The following AKAP19 variants were observed in gnomAD, a reference collection of about 807,000 sequenced individuals.
AKAP19 encodes small A-kinase anchoring protein.
the AKAP19 span, among the ~76,000 whole-genome samples, chr2:190,164,378 T>C: frequency 6.6e-6 from 1 of 151,916 alleles, no homozygotes; most frequent in Admixed American, 6.6e-5. Context: ...CTATTAAAAA[T>C]ACAAAAAATT....
the AKAP19 span, among the ~76,000 whole-genome samples, chr2:190,019,565 G>A: frequency 6.6e-6 from 1 of 151,986 alleles, no homozygotes; most frequent in Admixed American, 6.6e-5. Flanking sequence ...CTACAACCAA[G>A]ATTTCTGTGC....
the AKAP19 span, among the ~76,000 whole-genome samples, chr2:190,053,773 AT>A: frequency 1.3e-5 from 2 of 152,294 alleles, no homozygotes; most frequent in East Asian, 1.9e-4. Context: ...TTTAATCAAT[AT>A]TTGAATTTAG....
the AKAP19 span, among the ~76,000 whole-genome samples, chr2:190,199,037 C>T: frequency 2.6e-5 from 4 of 151,964 alleles, no homozygotes; most frequent in Non-Finnish European, 4.4e-5. Context: ...ATTGTTTAGA[C>T]GTGGCACTAG....
At chr2:189,977,511 C>A in the AKAP19 span, among the ~76,000 whole-genome samples, 1 of 152,184 alleles carries the variant, frequency 6.6e-6, no homozygotes, top group South Asian at 2.1e-4. Flanking sequence ...ATATTGAATG[C>A]TGTTCTTGAA....
the AKAP19 span, among the ~76,000 whole-genome samples, chr2:189,929,150 A>G: frequency 4.6e-5 from 7 of 152,142 alleles, no homozygotes; most frequent in African/African-American, 1.7e-4. Flanking sequence ...TTTTGCTTCT[A>G]CTTGCTTCAT....
the AKAP19 span, among the ~76,000 whole-genome samples, chr2:190,174,700 TA>T: frequency 2.0e-5 from 3 of 152,160 alleles, no homozygotes; most frequent in African/African-American, 7.2e-5. Flanking sequence ...AAATTTGAAA[TA>T]GCAAATTTTG....
the AKAP19 span, among the ~76,000 whole-genome samples, chr2:189,982,098 T>G: frequency 7.6e-4 from 116 of 152,286 alleles, no homozygotes; most frequent in African/African-American, 2.7e-3. Context: ...TAAAATATAT[T>G]TTTGAAGTTG....
the AKAP19 span, among the ~76,000 whole-genome samples, chr2:189,997,798 C>T: frequency 2.6e-5 from 4 of 152,118 alleles, no homozygotes; most frequent in African/African-American, 9.7e-5. Flanking sequence ...CCTGTTTGCC[C>T]CGCTAAATTC....
At chr2:190,184,824 T>C in the AKAP19 span, among the ~76,000 whole-genome samples, 1 of 150,404 alleles carries the variant, frequency 6.6e-6, no homozygotes, top group African/African-American at 2.5e-5. Flanking sequence ...AGAGGAAATT[T>C]CCTTGTATTA....
the AKAP19 span, among the ~76,000 whole-genome samples, chr2:190,169,282 C>A: frequency 6.6e-6 from 1 of 152,044 alleles, no homozygotes; most frequent in African/African-American, 2.4e-5. Context: ...TACCTCCCAC[C>A]GAGTCCCTTC....
the AKAP19 span, among the ~76,000 whole-genome samples, chr2:189,934,500 T>A: frequency 6.6e-6 from 1 of 151,982 alleles, no homozygotes; most frequent in Non-Finnish European, 1.5e-5. Flanking sequence ...ACATTTTTTG[T>A]TGACTTTTAA....
the AKAP19 span, among the ~76,000 whole-genome samples, chr2:190,040,144 C>T: frequency 2.6e-4 from 39 of 152,242 alleles, no homozygotes; most frequent in African/African-American, 8.2e-4. Flanking sequence ...CCACCAACGG[C>T]GTATAAGTGT....
the AKAP19 span, among the ~76,000 whole-genome samples, chr2:189,978,086 A>G: frequency 6.6e-6 from 1 of 152,212 alleles, no homozygotes. Context: ...TAGGTTAAGC[A>G]TATTAAATGC....
chr2:190,069,199 A>AGG, the AKAP19 span, among the ~76,000 whole-genome samples: 3 of 149,720 alleles, frequency 2.0e-5, no homozygotes, highest in Non-Finnish European at 4.4e-5. Context: ...AGAGAGAGAG[A>AGG]GCAAGGCAAA....
chr2:189,916,830 T>A, the AKAP19 span, among the ~76,000 whole-genome samples: 2 of 152,202 alleles, frequency 1.3e-5, no homozygotes, highest in Non-Finnish European at 2.9e-5. Context: ...TTTGTATGGA[T>A]GTACCACAGT....
chr2:189,995,822 T>C, the AKAP19 span, among the ~76,000 whole-genome samples: 92,129 of 152,010 alleles, frequency 0.61, 31,486 homozygotes, highest in South Asian at 0.78. Context: ...GGCTTGGTAG[T>C]GGTGAATTCT....
At chr2:189,986,196 G>A in the AKAP19 span, among the ~76,000 whole-genome samples, 2 of 152,072 alleles carry the variant, frequency 1.3e-5, no homozygotes, top group African/African-American at 2.4e-5. Context: ...TTTTGACTAG[G>A]TGTGGCCATA....
the AKAP19 span, among the ~76,000 whole-genome samples, chr2:189,881,158 C>T: frequency 1.3e-5 from 2 of 152,114 alleles, no homozygotes; most frequent in African/African-American, 4.8e-5. Context: ...TTGAGATTGT[C>T]ACCTTTCTCC....
chr2:189,904,590 C>A, the AKAP19 span, among the ~76,000 whole-genome samples: 1 of 151,920 alleles, frequency 6.6e-6, no homozygotes, highest in East Asian at 1.9e-4. Flanking sequence ...GGACAAAAAT[C>A]TGTTTTTTAA....
Sources: allele counts gnomAD v4.1 joint callset (sites outside exome capture counted in the v4.1 genomes callset), GRCh38; gene constraint gnomAD v4.1.1; transcripts MANE v1.5; gene names NCBI Gene and HGNC (gene_info 2026-07-23, HGNC 2026-07-21).